HEATR5B: variants seen among roughly 807,000 people sequenced by gnomAD.
The protein encoded by HEATR5B is HEAT repeat containing 5B, also known as HEAT repeat-containing protein 5B.
A neutral mutation model predicts 224.1 loss-of-function variants in HEATR5B; 156 were observed. That is an observed-to-expected ratio of 0.70 (90% CI 0.61 to 0.80). The LOEUF (loss-of-function observed/expected upper bound fraction) is 0.80. HEATR5B is among the 30% of genes least tolerant of loss of function. HEATR5B has a pLI of 0.00. For missense variants in HEATR5B, 2,323 were observed against 2,535.5 expected (o/e 0.92, Z 1.80); for synonymous variants, 1,027 against 893.0 (o/e 1.15, Z -2.68).
At chr2:37,080,108 C>A (rs1226552806) in intron 2 of HEATR5B, among the ~76,000 whole-genome samples, 1 of 152,142 alleles carries the variant, frequency 6.6e-6, no homozygotes, top group African/African-American at 2.4e-5. Flanking sequence ...TTGGAGCATT[C>A]TTAGCATCCT....
chr2:36,989,118 G>T (rs537228132), intron 34 of HEATR5B, among the ~76,000 whole-genome samples: 1 of 151,986 alleles, frequency 6.6e-6, no homozygotes, highest in Non-Finnish European at 1.5e-5. Context: ...ATGGAGTCTC[G>T]CTCTGTCGCC....
intron 8 of HEATR5B, among the ~76,000 whole-genome samples, chr2:37,067,733 C>T (rs1020966806): frequency 1.2e-4 from 19 of 152,206 alleles, no homozygotes; most frequent in Non-Finnish European, 2.6e-4. Context: ...GATCGCACCA[C>T]TGCACTCCAG....
At chr2:37,027,790 G>T in intron 24 of HEATR5B, 133 bp downstream of exon 24, 1 of 874,332 alleles carries the variant, frequency 1.1e-6, no homozygotes, top group Non-Finnish European at 1.8e-6. Flanking sequence ...AAGATGAAAG[G>T]CAAGAGAACT....
At chr2:37,063,615 C>T (rs950081644) in intron 10 of HEATR5B, among the ~76,000 whole-genome samples, 12 of 151,950 alleles carry the variant, frequency 7.9e-5, no homozygotes, top group South Asian at 4.2e-4. Flanking sequence ...TGGATTTCAT[C>T]GGTAGCTATG....
intron 27 of HEATR5B, among the ~76,000 whole-genome samples, chr2:37,010,862 G>C (rs932222827): frequency 4.6e-5 from 7 of 151,564 alleles, no homozygotes; most frequent in African/African-American, 1.5e-4. Context: ...ATCCTTACTA[G>C]GTAGGCACCT....
rs77708702 is a variant in HEATR5B at position 37,012,877 on chromosome 2, G to C, written c.4284+964C>G. On this transcript the variant is annotated intron_variant, in intron 27 of 35. Coordinates refer to ENST00000233099, the MANE Select transcript of HEATR5B (RefSeq NM_019024.3). The stretch of plus-strand genomic sequence containing the variant: ...GCTACTTCTGAGCCTCCAGCCTATT[G>C]TAACTGCCTCTGCTATGTGTTCCAA... Among the ~76,000 whole-genome samples, 188 of 152,300 alleles carry C rather than the reference G, an allele frequency of 1.2e-3. 3 individuals are homozygous for C. The East Asian group carries it at 0.033, about 26-fold the overall frequency.
chr2:37,083,650 G>C (rs1048009616), intron 1 of HEATR5B, among the ~76,000 whole-genome samples: 2 of 152,100 alleles, frequency 1.3e-5, no homozygotes, highest in Non-Finnish European at 2.9e-5. Flanking sequence ...GTGACTCATG[G>C]AGTGAAAAGA....
chr2:37,015,446 G>A (rs1263581355), intron 26 of HEATR5B, among the ~76,000 whole-genome samples: 1 of 152,130 alleles, frequency 6.6e-6, no homozygotes, highest in Non-Finnish European at 1.5e-5. Flanking sequence ...GGATCAAACT[G>A]GGAATGGAAT....
intron 17 of HEATR5B, among the ~76,000 whole-genome samples, chr2:37,051,547 T>C (rs916843847): frequency 2.0e-5 from 3 of 152,006 alleles, no homozygotes; most frequent in African/African-American, 4.8e-5. Context: ...ACAGAGGCAT[T>C]AGCATATCTA....
intron 21 of HEATR5B, among the ~76,000 whole-genome samples, chr2:37,034,388 C>T (rs866724014): frequency 2.1e-5 from 3 of 140,086 alleles, no homozygotes; most frequent in East Asian, 2.3e-4. Flanking sequence ...CCGAGGCGGG[C>T]GGATCACGAG....
chr2:37,002,817 G>C (rs548792301), intron 31 of HEATR5B, among the ~76,000 whole-genome samples: 1 of 152,026 alleles, frequency 6.6e-6, no homozygotes, highest in East Asian at 1.9e-4. Flanking sequence ...TATATATTTT[G>C]TAATAGGAAT....
chr2:37,056,019 C>T (rs1042499116), intron 16 of HEATR5B, among the ~76,000 whole-genome samples: 2 of 152,178 alleles, frequency 1.3e-5, no homozygotes, highest in African/African-American at 4.8e-5. Flanking sequence ...AATTTTCATC[C>T]ATTTACTTCC....
chr2:37,024,262 T>C (rs1014662016), intron 24 of HEATR5B, among the ~76,000 whole-genome samples: 3 of 152,134 alleles, frequency 2.0e-5, no homozygotes, highest in Non-Finnish European at 2.9e-5. Context: ...TGGGGATATG[T>C]TGGTCAAAGT....
chr2:37,057,992 A>T (rs534745616), intron 14 of HEATR5B, among the ~76,000 whole-genome samples: 100 of 152,324 alleles, frequency 6.6e-4, no homozygotes, highest in African/African-American at 2.3e-3. Flanking sequence ...AGTTTATTTT[A>T]CTATTAATAT....
intron 20 of HEATR5B, among the ~76,000 whole-genome samples, chr2:37,038,544 T>G (rs1243190313): frequency 6.6e-6 from 1 of 152,222 alleles, no homozygotes; most frequent in Non-Finnish European, 1.5e-5. Flanking sequence ...TTGAAAATAC[T>G]TGATAAACAC....
chr2:37,032,616 T>C lies in HEATR5B; in HGVS notation c.3361+13A>G. 1 of 1,602,424 alleles carries C rather than the reference T, an allele frequency of 6.2e-7. No individual in the cohort carries two copies. The highest frequency in any genetic ancestry group is 8.5e-7 in the Non-Finnish European group (1 of 1,175,546). ...TTAAACAAAAAACAATATTGACCAA[T>C]AATATAACTTACTGGCACTACTGCT... is the stretch of plus-strand genomic sequence containing the variant. On this transcript the variant is annotated intron_variant, in intron 22 of 35. Coordinates refer to ENST00000233099, the MANE Select transcript of HEATR5B (RefSeq NM_019024.3).
At chr2:37,049,897 TA>T (rs1203502323) in intron 17 of HEATR5B, 54 bp from the exon 18 acceptor site, 9 of 1,419,634 alleles carry the variant, frequency 6.3e-6, no homozygotes, top group East Asian at 2.7e-5. Flanking sequence ...TCATTATTAT[TA>T]TTTTTTTTTT....
chr2:37,041,417 T>C (rs1669862687), intron 18 of HEATR5B, 125 bp from the exon 19 acceptor site: 4 of 822,446 alleles, frequency 4.9e-6, no homozygotes, highest in Non-Finnish European at 7.6e-6. Context: ...CAGTTACTTC[T>C]TTCTCCACTC....
chr2:37,081,417 C>G (rs1265304440), intron 2 of HEATR5B, among the ~76,000 whole-genome samples: 1 of 152,074 alleles, frequency 6.6e-6, no homozygotes, highest in Non-Finnish European at 1.5e-5. Flanking sequence ...GGAACAATAA[C>G]AACAAAGCAC....
Sources: gnomAD v4.1 joint callset for allele counts (sites outside exome capture counted in the v4.1 genomes callset) on GRCh38, gnomAD v4.1.1 for gene constraint, MANE v1.5 for transcripts, NCBI Gene and HGNC (gene_info 2026-07-23, HGNC 2026-07-21) for gene names.